The following WDR72 variants were observed in gnomAD, a reference collection of about 807,000 sequenced individuals.
WDR72 encodes the protein WD repeat domain 72, also known as WD repeat-containing protein 72.
WDR72 carries 120 observed loss-of-function variants against 124.2 expected under a neutral mutation model. That is an observed-to-expected ratio of 0.97 (90% confidence interval 0.83 to 1.12). The LOEUF is 1.12. WDR72 is among the 50% of genes most tolerant of loss of function. The pLI, the probability that WDR72 is intolerant of heterozygous loss-of-function variation, is 0.00. For missense variants in WDR72, 1,387 were observed against 1,278.8 expected, an observed-to-expected ratio of 1.08 and a Z score of -1.29; for synonymous variants, 452 against 441.7, an observed-to-expected ratio of 1.02 and a Z score of -0.29.
chr15:53,715,209 G>C lies in WDR72; in HGVS notation c.498C>G (p.His166Gln), dbSNP rs117824043. 1.2e-4 allele frequency: 200 copies of C among 1,614,058 alleles called. 1 individual carries two copies. Among genetic ancestry groups the C allele is most frequent in the Non-Finnish European group, 1.5e-4 (175 of 1,179,998 alleles). The change falls in exon 5 of 20, where the codon CAC (histidine) becomes CAG (glutamine). Residue 166 changes from histidine (H) to glutamine (Q), a missense_variant. Transcript: ENST00000360509. ...AACTATTACCTTGAATTCTCATGGAGTGAACAATGCACATGCAGTTGATCC... is the reference window on the plus strand; with the variant it reads ...AACTATTACCTTGAATTCTCATGGACTGAACAATGCACATGCAGTTGATCC... ...PDWINCMCIVHSMRIQEDSLL... is the reference protein window; with the variant it reads ...PDWINCMCIVQSMRIQEDSLL...
At chr15:53,640,945 A>C (rs1253749268) in intron 14 of WDR72, among the ~76,000 whole-genome samples, 1 of 151,922 alleles carries the variant, frequency 6.6e-6, no homozygotes, top group African/African-American at 2.4e-5. Flanking sequence ...ATAAGGTTTT[A>C]AGTTGACTTG....
intron 14 of WDR72, 51 bp from the exon 15 acceptor site, chr15:53,616,294 A>G (rs1421346182): frequency 1.4e-6 from 2 of 1,481,074 alleles, no homozygotes; most frequent in African/African-American, 2.8e-5. Context: ...TTATTTTATT[A>G]AAGATTCCAT....
At chr15:53,540,571 G>GA (rs5812690) in intron 18 of WDR72, among the ~76,000 whole-genome samples, 61,720 of 134,952 alleles carry the variant, frequency 0.46, 14,448 homozygotes, top group South Asian at 0.55. Context: ...AAGGAAGAAA[G>GA]AAAAAAAAAA....
intron 14 of WDR72, among the ~76,000 whole-genome samples, chr15:53,653,085 G>A (rs2015297758): frequency 6.6e-6 from 1 of 152,006 alleles, no homozygotes; most frequent in Admixed American, 6.6e-5. Context: ...ATTGGGTGGC[G>A]AAATAAATAC....
At chr15:53,679,136 G>A (rs758853650) in intron 13 of WDR72, among the ~76,000 whole-genome samples, 2 of 152,190 alleles carry the variant, frequency 1.3e-5, no homozygotes, top group Non-Finnish European at 2.9e-5. Context: ...AAGTAGAATA[G>A]CAGTTGCTAG....
intron 13 of WDR72, among the ~76,000 whole-genome samples, chr15:53,667,476 GA>G (rs1291387716): frequency 6.6e-6 from 1 of 151,970 alleles, no homozygotes; most frequent in African/African-American, 2.4e-5. Flanking sequence ...ACCTCAGGGA[GA>G]AAAAAATGAT....
intron 14 of WDR72, among the ~76,000 whole-genome samples, chr15:53,662,194 C>A (rs2015631412): frequency 6.6e-6 from 1 of 152,114 alleles, no homozygotes; most frequent in Non-Finnish European, 1.5e-5. Context: ...AAGCAGTTCC[C>A]CATCATGAAT....
chr15:53,656,385 T>C (rs1231423361), intron 14 of WDR72, among the ~76,000 whole-genome samples: 2 of 152,354 alleles, frequency 1.3e-5, no homozygotes, highest in East Asian at 3.9e-4. Context: ...AATAAGTTCA[T>C]GCTCTTAGTT....
At chr15:53,552,770 T>C (rs956859804) in intron 18 of WDR72, among the ~76,000 whole-genome samples, 10 of 152,168 alleles carry the variant, frequency 6.6e-5, no homozygotes, top group Non-Finnish European at 1.0e-4. Flanking sequence ...TACACATTTG[T>C]CTGTTACGTA....
chr15:53,523,350 GAGAC>G, intron 18 of WDR72, 28 bp from the exon 19 acceptor site: 1 of 1,593,532 alleles, frequency 6.3e-7, no homozygotes. Context: ...GAGAGAGAGA[GAGAC>G]AGAAGAGAGA....
At chr15:53,544,940 G>C (rs1244892846) in intron 18 of WDR72, among the ~76,000 whole-genome samples, 1 of 147,030 alleles carries the variant, frequency 6.8e-6, no homozygotes, top group Non-Finnish European at 1.5e-5. Flanking sequence ...AAATACCTAG[G>C]AATCCAACTT....
intron 18 of WDR72, among the ~76,000 whole-genome samples, chr15:53,548,907 A>G (rs1011983721): frequency 6.6e-6 from 1 of 152,090 alleles, no homozygotes; most frequent in Admixed American, 6.5e-5. Context: ...CATCTTCTTT[A>G]TATCAACACA....
intron 1 of WDR72, among the ~76,000 whole-genome samples, chr15:53,742,535 A>G (rs1194164086): frequency 6.6e-6 from 1 of 152,186 alleles, no homozygotes; most frequent in African/African-American, 2.4e-5. Flanking sequence ...AGGATTTTGT[A>G]GGATAATTTT....
At chr15:53,723,053 C>T (rs1414881327) in intron 2 of WDR72, 145 bp from the exon 3 acceptor site, 8 of 741,506 alleles carry the variant, frequency 1.1e-5, no homozygotes, top group Admixed American at 4.2e-5. Flanking sequence ...TATGTAATAA[C>T]AACATCCACA....
chr15:53,528,314 T>C (rs1892238914), intron 18 of WDR72, among the ~76,000 whole-genome samples: 2 of 152,098 alleles, frequency 1.3e-5, no homozygotes, highest in Admixed American at 6.6e-5. Flanking sequence ...AATAGTTACA[T>C]ATTGCATTAG....
At chr15:53,713,876 A>C (rs979022395) in intron 6 of WDR72, among the ~76,000 whole-genome samples, 1 of 152,242 alleles carries the variant, frequency 6.6e-6, no homozygotes, top group Non-Finnish European at 1.5e-5. Flanking sequence ...TAAGCTCAGC[A>C]TACCATCACA....
chr15:53,686,211 T>C (rs1321962319), intron 13 of WDR72, among the ~76,000 whole-genome samples: 1 of 149,776 alleles, frequency 6.7e-6, no homozygotes, highest in Non-Finnish European at 1.5e-5. Context: ...CACATAACAA[T>C]ATTAACTTTA....
At chr15:53,537,322 CT>C in intron 18 of WDR72, among the ~76,000 whole-genome samples, 1 of 152,120 alleles carries the variant, frequency 6.6e-6, no homozygotes, top group East Asian at 1.9e-4. Context: ...TATTTCTTTC[CT>C]TTTTTAATTG....
chr15:53,614,057 A>G (rs117235512), intron 15 of WDR72, among the ~76,000 whole-genome samples: 6,635 of 152,108 alleles, frequency 0.044, 186 homozygotes, highest in Non-Finnish European at 0.056. Flanking sequence ...AGGCTTTGCT[A>G]TTTTAGGTTA....
Sources: allele counts gnomAD v4.1 joint callset (sites outside exome capture counted in the v4.1 genomes callset), GRCh38; gene constraint gnomAD v4.1.1; transcripts MANE v1.5; gene names NCBI Gene and HGNC (gene_info 2026-07-23, HGNC 2026-07-21).